Variants in CENPH observed in about 807,000 individuals in gnomAD.
CENPH encodes the protein centromere protein H.
Under a neutral mutation model 42.9 loss-of-function variants are expected in CENPH, and 40 were observed. The observed-to-expected ratio is 0.93, with a 90% confidence interval of 0.72 to 1.21. The LOEUF (loss-of-function observed/expected upper bound fraction) is 1.21, where lower values mean the gene tolerates loss of function less well. CENPH is among the 50% of genes most tolerant of loss of function. The pLI, the probability that CENPH is intolerant of heterozygous loss-of-function variation, is 0.00. For synonymous variants in CENPH, 88 were observed against 96.5 expected (o/e 0.91, Z 0.52); for missense variants, 302 against 292.9 (o/e 1.03, Z -0.23).
chr5:69,208,375 A>G lies in CENPH; in HGVS notation c.651+16A>G. 1 of 1,530,826 alleles carries G rather than the reference A, an allele frequency of 6.5e-7. No individual in the cohort carries two copies. The highest frequency in any genetic ancestry group is 1.2e-5 in the South Asian group (1 of 86,132). 94.8% of individuals were successfully genotyped at this position (1,530,826 alleles called of 1,614,324 possible). ...TGTGTTCCAGGTAACATTTATATAA[A>G]CTAGCAAGAGTTTTAATCTTGTTGC... On this transcript the variant is annotated intron_variant, in intron 8 of 8. Transcript: ENST00000283006.
At chr5:69,191,125 T>C (rs1747863829) in intron 1 of CENPH, among the ~76,000 whole-genome samples, 2 of 152,212 alleles carry the variant, frequency 1.3e-5, no homozygotes, top group African/African-American at 4.8e-5. Flanking sequence ...TATCTCCTGA[T>C]AAAAATCTGT....
At chr5:69,197,213 G>C (rs1747978527) in intron 5 of CENPH, 104 bp downstream of exon 5, 2 of 598,242 alleles carry the variant, frequency 3.3e-6, no homozygotes, top group Non-Finnish European at 5.4e-6. Context: ...CTTTGTCTGG[G>C]GAATAAGGAA....
intron 5 of CENPH, among the ~76,000 whole-genome samples, chr5:69,200,819 A>ACCTCTG (rs1748047589): frequency 1.5e-5 from 1 of 68,546 alleles, no homozygotes; most frequent in Non-Finnish European, 2.2e-5. Context: ...GCTCACTGCA[A>ACCTCTG]CCTCTGCCTC....
At chr5:69,209,463 G>A (rs775418536) in intron 8 of CENPH, among the ~76,000 whole-genome samples, 9 of 151,924 alleles carry the variant, frequency 5.9e-5, no homozygotes, top group Non-Finnish European at 1.3e-4. Context: ...GCTTGAACCC[G>A]GGAGGCGGAG....
In CENPH at chr5:69,209,963, A is replaced by AT. The variant is rs1297734412; in HGVS notation, c.*171dup. On this transcript the variant is annotated 3_prime_UTR_variant, in exon 9 of 9. Transcript: ENST00000283006. ...GTTATTTGTAGTGGGATTGAAAGTA[A>AT]TTTTTTTCTTTTTATATTTCTATAT... 9.7e-6 allele frequency: 4 copies of AT among 410,736 alleles called. No homozygotes were observed. Among genetic ancestry groups the AT allele is most frequent in the African/African-American group, 6.2e-5 (3 of 48,234 alleles). 25.4% of individuals were successfully genotyped at this position (410,736 alleles called of 1,614,324 possible).
chr5:69,200,149 G>T (rs1315392461), intron 5 of CENPH, among the ~76,000 whole-genome samples: 2 of 150,360 alleles, frequency 1.3e-5, no homozygotes, highest in African/African-American at 4.9e-5. Flanking sequence ...AGGTCAAATA[G>T]GCTGAGGCAG....
intron 7 of CENPH, among the ~76,000 whole-genome samples, chr5:69,204,301 A>G (rs187600547): frequency 6.6e-6 from 1 of 151,552 alleles, no homozygotes; most frequent in African/African-American, 2.4e-5. Context: ...CTTTTTTCAG[A>G]TAAGGGTCTT....
intron 7 of CENPH, among the ~76,000 whole-genome samples, chr5:69,205,764 A>G (rs1469031855): frequency 1.6e-5 from 2 of 124,332 alleles, no homozygotes; most frequent in Non-Finnish European, 3.1e-5. Context: ...GCTGGAGTGC[A>G]GTGGCACTAT....
intron 7 of CENPH, among the ~76,000 whole-genome samples, chr5:69,205,703 T>A (rs1225064627): frequency 2.5e-3 from 67 of 26,814 alleles, no homozygotes; most frequent in African/African-American, 0.015. Context: ...TGTAGATATC[T>A]TTTTTTTTTT....
intron 7 of CENPH, among the ~76,000 whole-genome samples, chr5:69,206,957 G>C (rs1357251118): frequency 6.6e-6 from 1 of 151,934 alleles, no homozygotes; most frequent in Non-Finnish European, 1.5e-5. Flanking sequence ...CAATCTTCCT[G>C]CCTCAGCCTT....
At chr5:69,191,903 T>C (rs1470262976) in intron 2 of CENPH, 53 bp downstream of exon 2, 1 of 1,082,112 alleles carries the variant, frequency 9.2e-7, no homozygotes, top group African/African-American at 1.6e-5. Flanking sequence ...GTTTGTTTTT[T>C]TGAGACAGGG....
intron 1 of CENPH, among the ~76,000 whole-genome samples, chr5:69,190,865 TG>T (rs1422956155): frequency 1.1e-4 from 16 of 151,996 alleles, no homozygotes; most frequent in Non-Finnish European, 2.4e-4. Flanking sequence ...CACTCCAGCC[TG>T]GGCAATAGAG....
intron 5 of CENPH, among the ~76,000 whole-genome samples, chr5:69,200,854 C>T (rs963727885): frequency 2.0e-5 from 3 of 149,412 alleles, no homozygotes; most frequent in South Asian, 2.1e-4. Flanking sequence ...TCTCCTGCCT[C>T]GGCCTCCTGA....
intron 2 of CENPH, among the ~76,000 whole-genome samples, chr5:69,194,058 C>A (rs1237977117): frequency 3.3e-5 from 5 of 152,106 alleles, no homozygotes; most frequent in Non-Finnish European, 7.4e-5. Flanking sequence ...TATGGGATAG[C>A]ATAGATAGGA....
intron 7 of CENPH, among the ~76,000 whole-genome samples, chr5:69,205,445 C>T (rs895666230): frequency 1.3e-5 from 2 of 151,216 alleles, no homozygotes; most frequent in South Asian, 2.1e-4. Flanking sequence ...AGGCTGGTCT[C>T]GAACTCCTCA....
At chr5:69,204,597 CTT>C (rs530678541) in intron 7 of CENPH, among the ~76,000 whole-genome samples, 2 of 69,594 alleles carry the variant, frequency 2.9e-5, no homozygotes, top group African/African-American at 6.1e-5. Context: ...GCTTGTATTT[CTT>C]TTTTTTTTTT....
chr5:69,209,970 TC>T lies in CENPH; in HGVS notation c.*172del, dbSNP rs1748220575. On this transcript the variant is annotated 3_prime_UTR_variant, in exon 9 of 9. Coordinates refer to ENST00000283006, the MANE Select transcript of CENPH (RefSeq NM_022909.4). ...GTAGTGGGATTGAAAGTAATTTTTT[TC>T]TTTTTATATTTCTATATTTAGTTTG... The T allele has an allele frequency of 7.2e-6, 3 of 418,444 alleles. No individual in the cohort carries two copies. The highest frequency in any genetic ancestry group is 1.3e-5 in the Non-Finnish European group (3 of 238,584). 25.9% of individuals were successfully genotyped at this position (418,444 alleles called of 1,614,324 possible). A position where few individuals can be genotyped will look rare whatever the true frequency, so the allele number is the denominator to read the frequency against.
In CENPH at chr5:69,191,683, TTTA is replaced by T. The variant is rs1397332828; in HGVS notation, c.135-109_135-107del. ...GTAATTAGGAGTTTAATTATTTATA[TTTA>T]TTTTGTTGTATCAGCTTCCGAAAAA... On this transcript the variant is annotated intron_variant, in intron 1 of 8. Transcript: ENST00000283006. The T allele has an allele frequency of 2.2e-4, 144 of 665,606 alleles. 1 individual carries two copies. The highest frequency in any genetic ancestry group is 2.8e-4 in the East Asian group (10 of 36,134). 41.2% of individuals were successfully genotyped at this position (665,606 alleles called of 1,614,324 possible). A position where few individuals can be genotyped will look rare whatever the true frequency, so the allele number is the denominator to read the frequency against.
At chr5:69,202,623 C>T (rs1748077174) in intron 6 of CENPH, 54 bp downstream of exon 6, 1 of 1,012,180 alleles carries the variant, frequency 9.9e-7, no homozygotes, top group Admixed American at 1.9e-5. Flanking sequence ...CTCTCAACTT[C>T]TTGCTGGTAA....
Sources: gnomAD v4.1 joint callset for allele counts (sites outside exome capture counted in the v4.1 genomes callset) on GRCh38, gnomAD v4.1.1 for gene constraint, MANE v1.5 for transcripts, NCBI Gene and HGNC (gene_info 2026-07-23, HGNC 2026-07-21) for gene names.